The following CPLANE1 variants were observed in gnomAD, a reference collection of about 807,000 sequenced individuals.
CPLANE1 encodes ciliogenesis and planar polarity effector 1.
A neutral mutation model predicts 362.5 loss-of-function variants in CPLANE1; 263 were observed. The observed-to-expected ratio is 0.73, with a 90% CI of 0.66 to 0.80. CPLANE1 has a LOEUF of 0.80. Ranked by LOEUF, CPLANE1 falls within the 30% of genes least tolerant of loss-of-function variation. The pLI is 0.00. For synonymous variants in CPLANE1, 1,212 were observed against 1,302.6 expected, an observed-to-expected ratio of 0.93 and a Z score of 1.50; for missense variants, 3,461 against 3,793.4, an observed-to-expected ratio of 0.91 and a Z score of 2.30.
chr5:37,120,131 AC>A, intron 50 of CPLANE1, 84 bp downstream of exon 50: 2 of 1,330,312 alleles, frequency 1.5e-6, no homozygotes, highest in Non-Finnish European at 2.1e-6. Context: ...TAAGACTTAT[AC>A]CTTTTACTAA....
intron 6 of CPLANE1, among the ~76,000 whole-genome samples, chr5:37,242,693 C>T (rs1237312550): frequency 1.3e-5 from 2 of 152,092 alleles, no homozygotes; most frequent in Non-Finnish European, 1.5e-5. Context: ...AATTTTATTA[C>T]ATGTATATGG....
rs1242233296 is a variant in CPLANE1 at position 37,173,856 on chromosome 5, T to C, written c.6070A>G (p.Thr2024Ala). The change falls in exon 32 of 53, where the codon ACA becomes GCA. Residue 2024 changes from threonine to alanine, a missense_variant. Physicochemically the swap from Thr to Ala is moderately conservative, Grantham distance 58. Around this residue, in one of 2 missense-constraint regions of CPLANE1, gnomAD observed 3,380 missense variants for 3,666.1 expected, o/e 0.92. Transcript: ENST00000651892. ...TCATTTCTCTGGGTCTTCTGAGGTG[T>C]TGGAGCAGGTGGTTGTGAAGCAACA... ...VNVASQPPAP[T>A]PQKTQRNEFT... 3.1e-6 allele frequency: 5 copies of C among 1,614,192 alleles called. No individual in the cohort carries two copies. The highest frequency in any genetic ancestry group is 1.3e-5 in the African/African-American group (1 of 75,042).
chr5:37,133,849 A>G (rs939621458), intron 46 of CPLANE1, among the ~76,000 whole-genome samples: 4 of 152,046 alleles, frequency 2.6e-5, no homozygotes, highest in African/African-American at 7.2e-5. Flanking sequence ...CTTGTTTTGT[A>G]CCAGTTCTTA....
At chr5:37,248,431 A>T (rs1740574667) in intron 1 of CPLANE1, among the ~76,000 whole-genome samples, 1 of 152,150 alleles carries the variant, frequency 6.6e-6, no homozygotes, top group African/African-American at 2.4e-5. Flanking sequence ...TGCCCGGCCA[A>T]ATTAGATGGG....
intron 37 of CPLANE1, among the ~76,000 whole-genome samples, chr5:37,162,969 C>T (rs545584556): frequency 1.3e-5 from 2 of 152,300 alleles, no homozygotes; most frequent in African/African-American, 2.4e-5. Context: ...CGTGGGCCAC[C>T]GTGTCCAGCC....
intron 15 of CPLANE1, among the ~76,000 whole-genome samples, chr5:37,220,668 C>T (rs770908217): frequency 1.5e-4 from 23 of 152,070 alleles, no homozygotes; most frequent in Admixed American, 6.5e-5. Context: ...TACAGGTGCC[C>T]GCCACCAAGC....
At position 37,230,932 on chromosome 5, in the gene CPLANE1, T is replaced by G. The variant is rs1797600287; in HGVS notation, c.1056A>C (p.Thr352=). 1 of 1,550,430 alleles carries G rather than the reference T, an allele frequency of 6.4e-7. No individual in the cohort carries two copies. The highest frequency in any genetic ancestry group is 8.7e-7 in the Non-Finnish European group (1 of 1,146,388). The change falls in exon 9 of 53, where the codon ACA becomes ACC. Residue 352 remains threonine, a synonymous_variant. Transcript: ENST00000651892. ...GGCCAAATTCTATAGAGCAACCAAA[T>G]GTAATTAATGTTAGCAATTCACCTT... is the stretch of plus-strand genomic sequence containing the variant. ...TCQGELLTLI[T]FGCSIEFGPA...
chr5:37,162,653 A>G (rs1425658349), intron 37 of CPLANE1, 87 bp from the exon 38 acceptor site: 1 of 843,580 alleles, frequency 1.2e-6, no homozygotes, highest in Non-Finnish European at 1.9e-6. Flanking sequence ...ACTCAATGGA[A>G]GTAAAATATG....
At chr5:37,101,511 T>C (rs189386610), downstream of CPLANE1, among the ~76,000 whole-genome samples, 699 of 152,274 alleles carry the variant, frequency 4.6e-3, 4 homozygotes, top group Non-Finnish European at 5.0e-3. Context: ...CCAGTATTAA[T>C]GTTATTGAGA....
At chr5:37,077,318 T>TATCA in the CPLANE1 span, among the ~76,000 whole-genome samples, 3 of 152,152 alleles carry the variant, frequency 2.0e-5, no homozygotes, top group African/African-American at 7.2e-5. Context: ...TTTTTGTGCT[T>TATCA]ATCAGCTCTG....
chr5:37,168,956 G>A lies in CPLANE1; in HGVS notation c.7068C>T (p.Ser2356=). The A allele has an allele frequency of 6.2e-7, 1 of 1,614,124 alleles. No homozygotes were observed. The highest frequency in any genetic ancestry group is 8.5e-7 in the Non-Finnish European group (1 of 1,180,016). The change falls in exon 34 of 53, where the codon TCC becomes TCT. Residue 2356 remains serine, a synonymous_variant. Transcript: ENST00000651892. ...PGTLEISPHH[S]FGLPLLYLPL... ...GCAGGTATAGTAACGGAAGTCCAAA[G>A]GAATGGTGAGGAGATATCTCAAGGG...
intron 46 of CPLANE1, among the ~76,000 whole-genome samples, chr5:37,129,527 T>C (rs1765173181): frequency 1.3e-5 from 2 of 151,702 alleles, no homozygotes; most frequent in South Asian, 2.1e-4. Flanking sequence ...ATCCAGAATA[T>C]ACAAGGAACT....
chr5:37,227,444 C>G, intron 10 of CPLANE1, 52 bp from the exon 11 acceptor site: 1 of 1,489,516 alleles, frequency 6.7e-7, no homozygotes, highest in Non-Finnish European at 8.9e-7. Flanking sequence ...ATCTGTAATT[C>G]TATTATAAGC....
intron 21 of CPLANE1, among the ~76,000 whole-genome samples, chr5:37,191,210 G>A (rs1785459347): frequency 6.6e-6 from 1 of 152,034 alleles, no homozygotes; most frequent in African/African-American, 2.4e-5. Context: ...AGTTTAAACA[G>A]TAAAAAATAA....
chr5:37,178,577 C>A (rs937531377), intron 29 of CPLANE1, among the ~76,000 whole-genome samples: 2 of 149,756 alleles, frequency 1.3e-5, no homozygotes, highest in African/African-American at 2.5e-5. Flanking sequence ...CGTGCCACTG[C>A]ACTCCAGCTT....
chr5:37,158,486 T>TG, intron 38 of CPLANE1, 141 bp from the exon 39 acceptor site: 1 of 713,136 alleles, frequency 1.4e-6, no homozygotes, highest in Non-Finnish European at 2.2e-6. Flanking sequence ...GACATGGGTA[T>TG]AAATAATTAA....
intron 14 of CPLANE1, 70 bp from the exon 15 acceptor site, chr5:37,221,558 G>T: frequency 9.5e-7 from 1 of 1,049,724 alleles, no homozygotes; most frequent in African/African-American, 1.7e-5. Flanking sequence ...GTGCTCAATT[G>T]ACGGGAGTGT....
chr5:37,219,993 C>CTA (rs1243511170), intron 15 of CPLANE1, among the ~76,000 whole-genome samples: 1 of 152,108 alleles, frequency 6.6e-6, no homozygotes, highest in Non-Finnish European at 1.5e-5. Flanking sequence ...TGGCTCACAC[C>CTA]TATAATCCCA....
chr5:37,238,847 G>A lies in CPLANE1; in HGVS notation c.938+10C>T, dbSNP rs1308998312. ...AAAAAGAAAAAAAAGACAGACAAAA[G>A]AGTTCTTACCTAATAAGTGTAGCTG... On this transcript the variant is annotated intron_variant, in intron 8 of 52. Transcript: ENST00000651892. 1 of 1,419,274 alleles carries A rather than the reference G, an allele frequency of 7.0e-7. No homozygotes were observed. Among genetic ancestry groups the A allele is most frequent in the Non-Finnish European group, 9.5e-7 (1 of 1,058,186 alleles). The allele number at this position is 1,419,274 out of a possible 1,614,324, so 87.9% of individuals were successfully genotyped here. A position where few individuals can be genotyped will look rare whatever the true frequency, so the allele number is the denominator to read the frequency against.
Sources: allele counts gnomAD v4.1 joint callset (sites outside exome capture counted in the v4.1 genomes callset), GRCh38; gene constraint gnomAD v4.1.1; regional missense constraint gnomAD v4.1.1; transcripts MANE v1.5; gene names NCBI Gene and HGNC (gene_info 2026-07-23, HGNC 2026-07-21).